Variants in ILRUN observed in about 807,000 individuals in gnomAD.
ILRUN encodes the protein protein ILRUN.
ILRUN carries 3 observed loss-of-function variants against 33.8 expected under a neutral mutation model. That is an observed-to-expected ratio of 0.09 (90% confidence interval 0.04 to 0.23). The LOEUF is 0.23. Ranked by LOEUF, ILRUN falls within the 10% of genes least tolerant of loss-of-function variation. The pLI is 1.00. For synonymous variants in ILRUN, 124 were observed against 138.9 expected (o/e 0.89, Z 0.75); for missense variants, 210 against 375.1 (o/e 0.56, Z 3.64).
At chr6:34,608,759 A>C (rs549901136) in intron 3 of ILRUN, among the ~76,000 whole-genome samples, 18 of 152,312 alleles carry the variant, frequency 1.2e-4, no homozygotes, top group African/African-American at 3.4e-4. Flanking sequence ...TTAAACCATA[A>C]ATGTATTTTT....
rs1277687909 is a variant in ILRUN at position 34,588,442 on chromosome 6, TGGA to T, written c.*2120_*2122del. The stretch of plus-strand genomic sequence containing the variant: ...CCTCCCACAATCCTGCCAGGGACAG[TGGA>T]GATGTGCTGCTTCAAGGCTACTAAG... On this transcript the variant is annotated 3_prime_UTR_variant, in exon 5 of 5. Transcript: ENST00000374023. 41 of 389,714 alleles carry T rather than the reference TGGA, an allele frequency of 1.1e-4. No individual in the cohort carries two copies. Among genetic ancestry groups the T allele is most frequent in the Non-Finnish European group, 1.6e-4 (35 of 220,924 alleles). 24.1% of individuals were successfully genotyped at this position (389,714 alleles called of 1,614,324 possible).
chr6:34,631,383 A>G (rs1762241690), intron 3 of ILRUN, among the ~76,000 whole-genome samples: 1 of 151,192 alleles, frequency 6.6e-6, no homozygotes, highest in African/African-American at 2.4e-5. Flanking sequence ...GCTGGAGGGC[A>G]GTGGCGCGAT....
At chr6:34,683,505 TATATATATACATATATATATATAC>T (rs1562033318) in intron 1 of ILRUN, among the ~76,000 whole-genome samples, 7 of 101,524 alleles carry the variant, frequency 6.9e-5, no homozygotes, top group African/African-American at 4.0e-4. Flanking sequence ...TATACATATA[TATATATATACATATATATATATAC>T]ATATTGCACA....
intron 1 of ILRUN, among the ~76,000 whole-genome samples, chr6:34,661,177 G>A (rs1235642872): frequency 6.6e-6 from 1 of 152,160 alleles, no homozygotes; most frequent in Non-Finnish European, 1.5e-5. Context: ...AAAAAAGAAA[G>A]GAAGTGGTGG....
intron 2 of ILRUN, among the ~76,000 whole-genome samples, chr6:34,654,404 T>C (rs1043877660): frequency 2.0e-5 from 3 of 152,196 alleles, no homozygotes; most frequent in African/African-American, 4.8e-5. Flanking sequence ...AAGTTATAGG[T>C]GGCTTAAAAG....
chr6:34,632,340 C>T (rs1762265329), intron 3 of ILRUN, among the ~76,000 whole-genome samples: 1 of 151,978 alleles, frequency 6.6e-6, no homozygotes, highest in Non-Finnish European at 1.5e-5. Context: ...ACTAGAGAGG[C>T]TGAGGCAAGA....
Position 34,626,808 on chromosome 6 carries a change from C to T in ILRUN, c.511+19793G>A, listed in dbSNP as rs560315476. ...GATCACGAGGTCAGGAGTTCCAGAC[C>T]ATCCTGACCAACATGGTGAAACCCC... On this transcript the variant is annotated intron_variant, in intron 3 of 4. Transcript: ENST00000374023. 7.9e-5 allele frequency among the ~76,000 whole-genome samples: 12 copies of T among 152,208 alleles called. No individual in the cohort carries two copies. The South Asian group carries it at 2.3e-3, about 29-fold the overall frequency.
At chr6:34,604,303 C>A (rs1317565891) in intron 4 of ILRUN, among the ~76,000 whole-genome samples, 1 of 152,224 alleles carries the variant, frequency 6.6e-6, no homozygotes, top group South Asian at 2.1e-4. Flanking sequence ...CCACCATTCC[C>A]AACCGTCTGT....
At chr6:34,627,016 A>G (rs1762150657) in intron 3 of ILRUN, among the ~76,000 whole-genome samples, 1 of 151,984 alleles carries the variant, frequency 6.6e-6, no homozygotes, top group African/African-American at 2.4e-5. Flanking sequence ...AAAAAAAAAA[A>G]TGGTATTCAG....
In ILRUN at chr6:34,606,739, T is replaced by G; in HGVS notation, c.677A>C (p.Asn226Thr). 3 of 1,614,136 alleles carry G rather than the reference T, an allele frequency of 1.9e-6. No homozygotes were observed. The highest frequency in any genetic ancestry group is 2.5e-6 in the Non-Finnish European group (3 of 1,180,028). The part of the protein sequence containing the change: ...PQKNRQSDEN[N>T]LKDPGGSEFD... ...CTCGGAGCCCCCAGGGTCTTTTAAG[T>G]TGTTTTCATCTGATTGTCGGTTCTT... The change falls in exon 4 of 5, where the codon AAC (asparagine) becomes ACC (threonine). Residue 226 changes from asparagine (N) to threonine (T), a missense_variant. By Grantham distance (65) the Asn-to-Thr change is moderately conservative. Transcript: ENST00000374023.
At chr6:34,614,443 A>AAAAAAAAAATATATATATAT (rs71000073) in intron 3 of ILRUN, among the ~76,000 whole-genome samples, 1 of 133,598 alleles carries the variant, frequency 7.5e-6, no homozygotes, top group African/African-American at 3.1e-5. Flanking sequence ...AAAAAAAAAA[A>AAAAAAAAAATATATATATAT]ATATATATAT....
chr6:34,667,256 A>G (rs972522860), intron 1 of ILRUN, among the ~76,000 whole-genome samples: 1 of 152,090 alleles, frequency 6.6e-6, no homozygotes, highest in Admixed American at 6.6e-5. Context: ...CTTTCTCAAT[A>G]CCCCCTTTTT....
In ILRUN at chr6:34,588,264, C is replaced by A; in HGVS notation, c.*2301G>T. 2.5e-6 allele frequency: 1 copy of A among 398,606 alleles called. No homozygotes were observed. The highest frequency in any genetic ancestry group is 1.3e-4 in the South Asian group (1 of 7,844). 24.7% of individuals were successfully genotyped at this position (398,606 alleles called of 1,614,324 possible). A position where few individuals can be genotyped will look rare whatever the true frequency, so the allele number is the denominator to read the frequency against. Reference sequence around the variant, plus strand: ...AAGGTGCTTGGGACATTTAACTTGCCAAGTGTGGTTGCCTAGAAGCAAGAG... The same window carrying A: ...AAGGTGCTTGGGACATTTAACTTGCAAAGTGTGGTTGCCTAGAAGCAAGAG... On this transcript the variant is annotated 3_prime_UTR_variant, in exon 5 of 5. Coordinates refer to ENST00000374023, the MANE Select transcript of ILRUN (RefSeq NM_024294.4).
At chr6:34,644,295 T>C (rs1326131809) in intron 3 of ILRUN, among the ~76,000 whole-genome samples, 5 of 152,206 alleles carry the variant, frequency 3.3e-5, no homozygotes, top group Non-Finnish European at 7.3e-5. Flanking sequence ...GCATGTATTT[T>C]AAAAATTTAC....
At chr6:34,625,846 C>CTTT (rs58219612) in intron 3 of ILRUN, among the ~76,000 whole-genome samples, 43 of 114,242 alleles carry the variant, frequency 3.8e-4, no homozygotes, top group Admixed American at 5.5e-4. Flanking sequence ...TATTGAAAGG[C>CTTT]TTTTTTTTTT....
At chr6:34,688,347 T>C (rs967266404) in intron 1 of ILRUN, among the ~76,000 whole-genome samples, 2 of 147,878 alleles carry the variant, frequency 1.4e-5, no homozygotes, top group African/African-American at 5.0e-5. Context: ...AAGCTAAGGT[T>C]AGCCATGATA....
At position 34,589,531 on chromosome 6, in the gene ILRUN, G is replaced by GT. The variant is rs945744656; in HGVS notation, c.*1033dup. 1.2e-4 allele frequency: 19 copies of GT among 152,406 alleles called. No individual in the cohort carries two copies. Among genetic ancestry groups the GT allele is most frequent in the Non-Finnish European group, 2.2e-4 (15 of 68,062 alleles). The allele number at this position is 152,406 out of a possible 1,614,324, so 9.4% of individuals were successfully genotyped here. A position where few individuals can be genotyped will look rare whatever the true frequency, so the allele number is the denominator to read the frequency against. On this transcript the variant is annotated 3_prime_UTR_variant, in exon 5 of 5. Transcript: ENST00000374023. ...GAAGAGAAACAGGGAAAGGTGTTGT[G>GT]TGACAACAGAGAAGCATGGGCCACC...
chr6:34,683,473 CACATATATATAT>C lies in ILRUN; in HGVS notation c.158+12961_158+12972del, dbSNP rs1477167895. 5.3e-3 allele frequency among the ~76,000 whole-genome samples: 520 copies of C among 97,794 alleles called. 5 individuals are homozygous for C. The highest frequency in any genetic ancestry group is 7.4e-3 in the Non-Finnish European group (392 of 53,092). The allele number at this position is 97,794 out of a possible 152,430, so 64.2% of individuals were successfully genotyped here. A position where few individuals can be genotyped will look rare whatever the true frequency, so the allele number is the denominator to read the frequency against. On this transcript the variant is annotated intron_variant, in intron 1 of 4. Transcript: ENST00000374023. ...ATATACATATATATACATATATATA[CACATATATATAT>C]ACATATATATATACATATATATATA...
chr6:34,596,878 TCTTAA>T (rs1409783108), intron 4 of ILRUN, among the ~76,000 whole-genome samples: 2 of 152,156 alleles, frequency 1.3e-5, no homozygotes, highest in Non-Finnish European at 2.9e-5. Flanking sequence ...TTTCTGTTGC[TCTTAA>T]CTAACCTCTA....
Sources: allele counts gnomAD v4.1 joint callset (sites outside exome capture counted in the v4.1 genomes callset), GRCh38; gene constraint gnomAD v4.1.1; transcripts MANE v1.5; gene names NCBI Gene and HGNC (gene_info 2026-07-23, HGNC 2026-07-21).